Variants in SWT1 observed in about 807,000 individuals in gnomAD.
SWT1 encodes the protein transcriptional protein SWT1.
Under a neutral mutation model 107.3 loss-of-function variants are expected in SWT1, and 33 were observed. The ratio of observed to expected loss-of-function variants is 0.31; its 90% CI spans 0.23 to 0.41. The LOEUF (loss-of-function observed/expected upper bound fraction) is 0.41, where lower values mean the gene tolerates loss of function less well. Among genes scored for constraint, SWT1 ranks in the 10% least tolerant of loss-of-function variants. The probability of loss-of-function intolerance (pLI) is 1.00; values close to 1 mark genes in which losing one functional copy is unlikely to be tolerated. For synonymous variants in SWT1, 345 were observed against 348.3 expected (o/e 0.99, Z 0.11); for missense variants, 898 against 1,028.9 (o/e 0.87, Z 1.74).
rs1659681229 is a variant in SWT1 at position 185,221,857 on chromosome 1, A to G, written c.2130A>G (p.Thr710=). 1 of 1,589,270 alleles carries G rather than the reference A, an allele frequency of 6.3e-7. No homozygotes were observed. The highest frequency in any genetic ancestry group is 8.5e-7 in the Non-Finnish European group (1 of 1,170,720). The change falls in exon 15 of 19, where the codon ACA becomes ACG. Residue 710 remains threonine (T), a synonymous_variant. Coordinates refer to ENST00000367500, the MANE Select transcript of SWT1 (RefSeq NM_017673.7). ...AATTCTTATTTCCCCAGGTCAAGAC[A>G]AAACTTAAGCCAAATTCTTCAGAAA... is the stretch of plus-strand genomic sequence containing the variant. ...NLLQTFAEVK[T]KLKPNSSENT...
chr1:185,173,898 A>G lies in SWT1; in HGVS notation c.225-474A>G, dbSNP rs1655314655. Among the ~76,000 whole-genome samples the G allele has an allele frequency of 1.3e-5, 2 of 152,106 alleles. 1 individual carries two copies. The highest frequency in any genetic ancestry group is 4.1e-4 in the South Asian group (2 of 4,822). The stretch of plus-strand genomic sequence containing the variant: ...GCTAGGCATTGTGGCATGCTCCTGT[A>G]GTCCCAGTTACGTGGTAGTCTGGGA... On this transcript the variant is annotated intron_variant, in intron 4 of 18. Transcript: ENST00000367500.
At chr1:185,175,246 A>C in intron 5 of SWT1, 133 bp downstream of exon 5, 3 of 811,784 alleles carry the variant, frequency 3.7e-6, no homozygotes, top group South Asian at 2.8e-5. Flanking sequence ...TTTTTGAGAC[A>C]GGGTCTCACT....
At chr1:185,220,573 A>G (rs981703269) in intron 14 of SWT1, among the ~76,000 whole-genome samples, 36 of 152,098 alleles carry the variant, frequency 2.4e-4, no homozygotes, top group Non-Finnish European at 2.8e-4. Flanking sequence ...CTCCATGAGA[A>G]TGATTCTTAA....
At chr1:185,244,571 G>A (rs1661470355) in intron 16 of SWT1, among the ~76,000 whole-genome samples, 1 of 152,120 alleles carries the variant, frequency 6.6e-6, no homozygotes, top group African/African-American at 2.4e-5. Flanking sequence ...GTCAGTGGGT[G>A]GGTGGTGAGT....
At chr1:185,215,472 T>C (rs1430829854) in intron 14 of SWT1, among the ~76,000 whole-genome samples, 1 of 152,218 alleles carries the variant, frequency 6.6e-6, no homozygotes, top group Non-Finnish European at 1.5e-5. Flanking sequence ...TTAACAAGTT[T>C]CATGTGATTC....
At chr1:185,257,383 G>A (rs1255897078) in intron 16 of SWT1, among the ~76,000 whole-genome samples, 2 of 152,088 alleles carry the variant, frequency 1.3e-5, no homozygotes, top group African/African-American at 2.4e-5. Context: ...CCCCAGCCTC[G>A]CTGCCGCCTT....
At chr1:185,160,737 T>G in intron 1 of SWT1, 96 bp from the exon 2 acceptor site, 1 of 849,356 alleles carries the variant, frequency 1.2e-6, no homozygotes. Flanking sequence ...GTGATCATAT[T>G]GTAAAACTCC....
intron 16 of SWT1, among the ~76,000 whole-genome samples, chr1:185,242,504 G>A (rs940081145): frequency 4.6e-5 from 7 of 151,938 alleles, no homozygotes; most frequent in Admixed American, 2.0e-4. Flanking sequence ...GGTAACCTCC[G>A]CTGATACTTA....
At chr1:185,209,385 C>T (rs541896687) in intron 13 of SWT1, among the ~76,000 whole-genome samples, 6 of 152,236 alleles carry the variant, frequency 3.9e-5, no homozygotes, top group African/African-American at 1.4e-4. Flanking sequence ...GTCCCCCACC[C>T]CCTGACAGGC....
chr1:185,180,334 A>G lies in SWT1; in HGVS notation c.967-57A>G, dbSNP rs1000404438. 4 of 1,425,170 alleles carry G rather than the reference A, an allele frequency of 2.8e-6. No individual in the cohort carries two copies. In the African/African-American group the frequency reaches 5.6e-5, roughly 20 times the overall value. The allele number at this position is 1,425,170 out of a possible 1,614,324, so 88.3% of individuals were successfully genotyped here. ...CTGAAGGTTAATAGTGACAAGGTTG[A>G]AAAACCCTATTTAGGTTATGCTTTA... On this transcript the variant is annotated intron_variant, in intron 5 of 18. Transcript: ENST00000367500.
rs186651214 is a variant in SWT1, at chr1:185,237,197, C to T, written c.2441+5489C>T. Among the ~76,000 whole-genome samples, 489 of 152,268 alleles carry T rather than the reference C, an allele frequency of 3.2e-3. 4 individuals are homozygous for T. Among genetic ancestry groups the T allele is most frequent in the African/African-American group, 0.011 (466 of 41,550 alleles). On this transcript the variant is annotated intron_variant, in intron 16 of 18. Transcript: ENST00000367500. Reference sequence around the variant, plus strand: ...ACCATTTGACCCAGCAATCCCGTTCCTGGGTATATATCCAAAGGACTATAT... The same window carrying T: ...ACCATTTGACCCAGCAATCCCGTTCTTGGGTATATATCCAAAGGACTATAT...
intron 9 of SWT1, among the ~76,000 whole-genome samples, chr1:185,187,738 G>A (rs1260120928): frequency 6.6e-6 from 1 of 152,090 alleles, no homozygotes; most frequent in African/African-American, 2.4e-5. Context: ...AGGCTGGAGT[G>A]CAATGGCGTG....
At position 185,239,607 on chromosome 1, in the gene SWT1, C is replaced by T. The variant is rs146446246; in HGVS notation, c.2441+7899C>T. ...CTATTCATTTAGAAATTGCTTCTCT[C>T]CTCATCTTTTCTTTTATATGTATAC... On this transcript the variant is annotated intron_variant, in intron 16 of 18. Transcript: ENST00000367500. Among the ~76,000 whole-genome samples, 572 of 152,082 alleles carry T rather than the reference C, an allele frequency of 3.8e-3. 4 individuals are homozygous for T. The highest frequency in any genetic ancestry group is 0.013 in the African/African-American group (533 of 41,536).
intron 13 of SWT1, among the ~76,000 whole-genome samples, chr1:185,209,036 A>G (rs1658557170): frequency 6.6e-6 from 1 of 152,144 alleles, no homozygotes; most frequent in African/African-American, 2.4e-5. Context: ...AAGAATGTCT[A>G]GTGATAAACC....
At chr1:185,262,759 G>A (rs908154626) in intron 16 of SWT1, among the ~76,000 whole-genome samples, 3 of 151,260 alleles carry the variant, frequency 2.0e-5, no homozygotes, top group African/African-American at 2.4e-5. Flanking sequence ...TGTATCCTTG[G>A]TGTCACTTTG....
chr1:185,290,180 G>T (rs183410239), intron 18 of SWT1, among the ~76,000 whole-genome samples: 2 of 152,274 alleles, frequency 1.3e-5, no homozygotes, highest in Non-Finnish European at 2.9e-5. Flanking sequence ...GGGAGGCTAA[G>T]GTTAGAGGAT....
intron 15 of SWT1, among the ~76,000 whole-genome samples, chr1:185,222,603 A>T (rs1237063969): frequency 6.6e-6 from 1 of 151,446 alleles, no homozygotes; most frequent in African/African-American, 2.4e-5. Context: ...CTGAAAAAAG[A>T]AAAGTACAAA....
At chr1:185,252,910 T>A (rs1181590914) in intron 16 of SWT1, among the ~76,000 whole-genome samples, 4 of 145,974 alleles carry the variant, frequency 2.7e-5, no homozygotes, top group Non-Finnish European at 4.5e-5. Flanking sequence ...GTTTTTATGG[T>A]TTTAGGTCTA....
At chr1:185,284,065 A>G (rs979003812) in intron 18 of SWT1, among the ~76,000 whole-genome samples, 1 of 152,190 alleles carries the variant, frequency 6.6e-6, no homozygotes, top group Non-Finnish European at 1.5e-5. Context: ...TCCACTAACA[A>G]TATACAACAG....
Sources: gnomAD v4.1 joint callset for allele counts (sites outside exome capture counted in the v4.1 genomes callset) on GRCh38, gnomAD v4.1.1 for gene constraint, MANE v1.5 for transcripts, NCBI Gene and HGNC (gene_info 2026-07-23, HGNC 2026-07-21) for gene names.